PARVG: variants seen among roughly 807,000 people sequenced by gnomAD.
PARVG encodes parvin gamma, also known as gamma-parvin.
PARVG carries 36 observed loss-of-function variants against 44.4 expected under a neutral mutation model. The observed-to-expected ratio is 0.81, with a 90% CI of 0.62 to 1.07. PARVG has a LOEUF of 1.07. Ranked by LOEUF, PARVG falls within the 50% of genes least tolerant of loss-of-function variation. PARVG has a pLI of 0.00. For synonymous variants in PARVG, 170 were observed against 174.1 expected (o/e 0.98, Z 0.19); for missense variants, 407 against 407.4 (o/e 1.00, Z 0.01).
At chr22:44,206,264 C>A (rs1044039203) in intron 13 of PARVG, 53 bp from the exon 14 acceptor site, 1 of 1,304,724 alleles carries the variant, frequency 7.7e-7, no homozygotes, top group Non-Finnish European at 1.1e-6. Flanking sequence ...TCGGGACAGT[C>A]GGTCACTGCC....
chr22:44,192,313 T>C (rs1236254486), intron 8 of PARVG, among the ~76,000 whole-genome samples: 1 of 152,200 alleles, frequency 6.6e-6, no homozygotes, highest in East Asian at 1.9e-4. Flanking sequence ...GGTCCCTGCC[T>C]GGCCCCTCCC....
chr22:44,186,960 C>A, intron 4 of PARVG: 2 of 292,992 alleles, frequency 6.8e-6, no homozygotes, highest in Non-Finnish European at 1.4e-5. Context: ...AGGGCTGGGC[C>A]TTGATTCCCT....
Position 44,195,981 on chromosome 22 carries a change from G to A in PARVG, c.584-174G>A, listed in dbSNP as rs1394335900. 2.9e-5 allele frequency: 19 copies of A among 660,398 alleles called. No homozygotes were observed. In the East Asian group the frequency reaches 4.7e-4, roughly 16 times the overall value. 40.9% of individuals were successfully genotyped at this position (660,398 alleles called of 1,614,324 possible). A position where few individuals can be genotyped will look rare whatever the true frequency, so the allele number is the denominator to read the frequency against. ...GACGGTGACTCCCCTGGGGCCACAC[G>A]GCCAGGAGAGCAGTGACTCAAATCC... is the stretch of plus-strand genomic sequence containing the variant. On this transcript the variant is annotated intron_variant, in intron 9 of 13. Transcript: ENST00000444313.
intron 4 of PARVG, chr22:44,186,182 A>T (rs2147222445): frequency 3.2e-6 from 1 of 308,854 alleles, no homozygotes; most frequent in East Asian, 7.7e-5. Context: ...TAGACAGGTG[A>T]CCTCATCTGT....
intron 11 of PARVG, among the ~76,000 whole-genome samples, chr22:44,198,210 T>G (rs1292540388): frequency 2.0e-5 from 3 of 152,226 alleles, no homozygotes; most frequent in Non-Finnish European, 4.4e-5. Context: ...CAGCTTTATC[T>G]CTGAACATAC....
At chr22:44,200,369 C>G (rs1432865667) in intron 12 of PARVG, among the ~76,000 whole-genome samples, 1 of 152,218 alleles carries the variant, frequency 6.6e-6, no homozygotes, top group Non-Finnish European at 1.5e-5. Flanking sequence ...TTTTCTGTCT[C>G]TGAAAATGGG....
At position 44,183,421 on chromosome 22, in the gene PARVG, G is replaced by T; in HGVS notation, c.79+13G>T. On this transcript the variant is annotated intron_variant, in intron 3 of 13. Transcript: ENST00000444313. ...GAGCTCTCAAAAGGTGTGTGCCCAC[G>T]CAGGTCTGAGGGTGGAGGGTGAAGG... 1 of 1,585,672 alleles carries T rather than the reference G, an allele frequency of 6.3e-7. No individual in the cohort carries two copies. Among genetic ancestry groups the T allele is most frequent in the Non-Finnish European group, 8.6e-7 (1 of 1,169,270 alleles).
rs1218885569 is a variant in PARVG at position 44,196,332 on chromosome 22, T to G, written c.643-15T>G. 2 of 1,614,210 alleles carry G rather than the reference T, an allele frequency of 1.2e-6. No homozygotes were observed. Among genetic ancestry groups the G allele is most frequent in the Admixed American group, 3.3e-5 (2 of 60,022 alleles). On this transcript the variant is annotated splice_polypyrimidine_tract_variant and intron_variant, in intron 10 of 13. Transcript: ENST00000444313. ...ACACCTGCTGTGTGCTAGGCCCTTGTTCTTCCCTGGTTAGGCCATCGTGAA... is the reference window on the plus strand; with the variant it reads ...ACACCTGCTGTGTGCTAGGCCCTTGGTCTTCCCTGGTTAGGCCATCGTGAA...
At chr22:44,201,585 G>A (rs941252771) in intron 12 of PARVG, among the ~76,000 whole-genome samples, 2 of 152,194 alleles carry the variant, frequency 1.3e-5, no homozygotes, top group South Asian at 2.1e-4. Context: ...TGGCAGGCAC[G>A]GTGCCTGCTG....
intron 11 of PARVG, among the ~76,000 whole-genome samples, chr22:44,196,892 T>C (rs2147234237): frequency 6.6e-6 from 1 of 152,232 alleles, no homozygotes; most frequent in South Asian, 2.1e-4. Flanking sequence ...AGTCGAATTT[T>C]CCCAGGAGCA....
intron 8 of PARVG, 28 bp downstream of exon 8, chr22:44,192,132 G>A (rs1013875956): frequency 8.7e-6 from 14 of 1,610,922 alleles, no homozygotes; most frequent in Non-Finnish European, 1.2e-5. Context: ...GCCCATGGGT[G>A]GGGCTGGGGC....
intron 5 of PARVG, 161 bp from the exon 6 acceptor site, chr22:44,188,953 G>A (rs2054511537): frequency 2.3e-6 from 2 of 873,438 alleles, no homozygotes; most frequent in African/African-American, 1.7e-5. Flanking sequence ...GGGCATACCC[G>A]ATTGAGGCTG....
chr22:44,181,392 C>T, intron 1 of PARVG: 1 of 985,274 alleles, frequency 1.0e-6, no homozygotes, highest in Non-Finnish European at 1.2e-6. Flanking sequence ...CTGCGTGGTC[C>T]CGGGAGAGGA....
At chr22:44,184,345 A>T (rs1233766519) in intron 3 of PARVG, 1 of 152,028 alleles carries the variant, frequency 6.6e-6, no homozygotes, top group Admixed American at 6.6e-5. Flanking sequence ...TTATTTATTT[A>T]TTTTTTTCTT....
At chr22:44,177,454 G>T (rs1184340214), upstream of PARVG, among the ~76,000 whole-genome samples, 2 of 152,124 alleles carry the variant, frequency 1.3e-5, no homozygotes, top group Non-Finnish European at 2.9e-5. Flanking sequence ...AAAATAAGAG[G>T]CAGGACAAGG....
rs1280674004 is a variant in PARVG at position 44,196,046 on chromosome 22, C to T, written c.584-109C>T. On this transcript the variant is annotated intron_variant, in intron 9 of 13. Transcript: ENST00000444313. Reference sequence around the variant, plus strand: ...TGAGAACCATGATGTAAAACGACAGCTCCCTCTGGACTGGTTATTCTAAGA... The same window carrying T: ...TGAGAACCATGATGTAAAACGACAGTTCCCTCTGGACTGGTTATTCTAAGA... 5.3e-5 allele frequency: 61 copies of T among 1,148,462 alleles called. No homozygotes were observed. The South Asian group carries it at 5.3e-4, about 10-fold the overall frequency. 71.1% of individuals were successfully genotyped at this position (1,148,462 alleles called of 1,614,324 possible).
rs2054618216 is a variant in PARVG at position 44,196,404 on chromosome 22, C to G, written c.700C>G (p.Leu234Val). ...LDRLGLSVQN[L>V]DTQFADGVIL... ...CCGCCTGGGCCTGTCTGTGCAGAAT[C>G]TGGACACCCAGGTAGGGACTGAGCT... Residue 234 changes from leucine to valine, a missense_variant, in exon 11 of 14, where the codon CTG becomes GTG. By Grantham distance (32) the Leu-to-Val change is conservative. Coordinates refer to ENST00000444313, the MANE Select transcript of PARVG (RefSeq NM_022141.7). The G allele has an allele frequency of 1.2e-6, 2 of 1,614,210 alleles. No individual in the cohort carries two copies. The highest frequency in any genetic ancestry group is 2.2e-5 in the East Asian group (1 of 44,876).
At chr22:44,196,609 G>GGC (rs1555918168) in intron 11 of PARVG, among the ~76,000 whole-genome samples, 194 bp downstream of exon 11, 3 of 151,884 alleles carry the variant, frequency 2.0e-5, no homozygotes, top group Non-Finnish European at 4.4e-5. Context: ...GGGATCCCGG[G>GGC]GGTGGAGGTG....
intron 7 of PARVG, among the ~76,000 whole-genome samples, chr22:44,191,068 C>T (rs2054541723): frequency 6.6e-6 from 1 of 152,228 alleles, no homozygotes; most frequent in African/African-American, 2.4e-5. Flanking sequence ...GTACTGTCTC[C>T]TGTGAGATTA....
Sources: gnomAD v4.1 joint callset for allele counts (sites outside exome capture counted in the v4.1 genomes callset) on GRCh38, gnomAD v4.1.1 for gene constraint, MANE v1.5 for transcripts, NCBI Gene and HGNC (gene_info 2026-07-23, HGNC 2026-07-21) for gene names.